The following UNC5C variants were observed in gnomAD, a reference collection of about 807,000 sequenced individuals.
UNC5C encodes unc-5 netrin receptor C, also known as netrin receptor UNC5C.
UNC5C carries 47 observed loss-of-function variants against 99.8 expected under a neutral mutation model. The ratio of observed to expected loss-of-function variants is 0.47; its 90% CI spans 0.37 to 0.60. The LOEUF (loss-of-function observed/expected upper bound fraction) is 0.60. Ranked by LOEUF, UNC5C falls within the 20% of genes least tolerant of loss-of-function variation. The probability of loss-of-function intolerance (pLI) is 0.00; values close to 1 mark genes in which losing one functional copy is unlikely to be tolerated. For synonymous variants in UNC5C, 487 were observed against 452.2 expected, an observed-to-expected ratio of 1.08 and a Z score of -0.98; for missense variants, 1,062 against 1,165.9, an observed-to-expected ratio of 0.91 and a Z score of 1.30.
intron 1 of UNC5C, among the ~76,000 whole-genome samples, chr4:95,426,247 G>A (rs1746481501): frequency 6.6e-6 from 1 of 152,106 alleles, no homozygotes; most frequent in South Asian, 2.1e-4. Flanking sequence ...TGATCTTTGA[G>A]GTTACTATTG....
chr4:95,377,863 T>C (rs1262085165), intron 1 of UNC5C, among the ~76,000 whole-genome samples: 1 of 152,196 alleles, frequency 6.6e-6, no homozygotes, highest in Non-Finnish European at 1.5e-5. Context: ...AGTTAGACAA[T>C]ATGTATAAGC....
At chr4:95,329,474 T>C (rs1743028710) in intron 2 of UNC5C, among the ~76,000 whole-genome samples, 1 of 152,192 alleles carries the variant, frequency 6.6e-6, no homozygotes. Context: ...TATTTTCAAA[T>C]GGGCCTTCAA....
intron 2 of UNC5C, among the ~76,000 whole-genome samples, chr4:95,333,873 T>C (rs935958500): frequency 2.9e-4 from 44 of 152,128 alleles, no homozygotes; most frequent in African/African-American, 1.0e-3. Context: ...GTTTGAAATC[T>C]ATACAAATAC....
chr4:95,284,291 C>T (rs749959597), intron 3 of UNC5C, among the ~76,000 whole-genome samples: 16 of 151,978 alleles, frequency 1.1e-4, no homozygotes, highest in Non-Finnish European at 2.4e-4. Flanking sequence ...TCCATATTTA[C>T]GAAATGAAAA....
intron 12 of UNC5C, among the ~76,000 whole-genome samples, chr4:95,190,162 A>C (rs1341136501): frequency 6.6e-6 from 1 of 152,224 alleles, no homozygotes; most frequent in East Asian, 1.9e-4. Context: ...ATGCAGCCAT[A>C]AAAAATGATG....
intron 1 of UNC5C, among the ~76,000 whole-genome samples, chr4:95,349,578 A>G (rs1414827738): frequency 6.6e-6 from 1 of 151,338 alleles, no homozygotes; most frequent in African/African-American, 2.4e-5. Flanking sequence ...TTGAGCTTTT[A>G]TTCAAATCAA....
intron 1 of UNC5C, among the ~76,000 whole-genome samples, chr4:95,517,947 A>G (rs1483106989): frequency 6.6e-6 from 1 of 152,176 alleles, no homozygotes; most frequent in African/African-American, 2.4e-5. Context: ...TCACATTTAT[A>G]AACTCTGCAA....
At chr4:95,527,997 C>T (rs1269554402) in intron 1 of UNC5C, among the ~76,000 whole-genome samples, 2 of 152,036 alleles carry the variant, frequency 1.3e-5, no homozygotes, top group Non-Finnish European at 2.9e-5. Context: ...CTTAGTTTTT[C>T]CAAATGACAA....
intron 1 of UNC5C, among the ~76,000 whole-genome samples, chr4:95,423,051 A>G (rs1746365406): frequency 6.6e-6 from 1 of 152,232 alleles, no homozygotes; most frequent in Non-Finnish European, 1.5e-5. Flanking sequence ...TCTCTGCTCA[A>G]CAATGAGACG....
chr4:95,448,796 C>A (rs191355697), intron 1 of UNC5C, among the ~76,000 whole-genome samples: 2 of 152,268 alleles, frequency 1.3e-5, no homozygotes. Flanking sequence ...CACTCTCTTT[C>A]GAGATAAACA....
At chr4:95,177,585 G>A (rs1736419840) in intron 14 of UNC5C, among the ~76,000 whole-genome samples, 1 of 152,220 alleles carries the variant, frequency 6.6e-6, no homozygotes, top group Non-Finnish European at 1.5e-5. Context: ...ATGGAACAGG[G>A]TCAATCCAGG....
chr4:95,448,119 A>G (rs538438331), intron 1 of UNC5C, among the ~76,000 whole-genome samples: 7 of 151,956 alleles, frequency 4.6e-5, no homozygotes, highest in Non-Finnish European at 8.8e-5. Context: ...TCTCACCCTG[A>G]TATGTCAGGG....
At chr4:95,405,393 A>T (rs1205854849) in intron 1 of UNC5C, among the ~76,000 whole-genome samples, 1 of 152,118 alleles carries the variant, frequency 6.6e-6, no homozygotes, top group African/African-American at 2.4e-5. Context: ...CTGTGAGGGG[A>T]ATCAAAGAGC....
chr4:95,232,528 A>AC (rs765844649), intron 7 of UNC5C, among the ~76,000 whole-genome samples: 28 of 152,084 alleles, frequency 1.8e-4, no homozygotes, highest in Non-Finnish European at 3.1e-4. Flanking sequence ...CTGGACCTGC[A>AC]CCCCCGTGAT....
chr4:95,177,245 A>G (rs1028825628), intron 14 of UNC5C, among the ~76,000 whole-genome samples: 9 of 152,168 alleles, frequency 5.9e-5, no homozygotes, highest in African/African-American at 2.2e-4. Context: ...AGCTGTTCCT[A>G]TTCGGCTGTC....
rs58156541 is a variant in UNC5C at position 95,545,552 on chromosome 4, T to TAA, written c.124+3180_124+3181dup. Among the ~76,000 whole-genome samples, 712 of 147,772 alleles carry TAA rather than the reference T, an allele frequency of 4.8e-3. 7 individuals carry two copies. The highest frequency in any genetic ancestry group is 0.017 in the African/African-American group (676 of 40,524). ...CTTTTGTAGGAAGACATATGTTATT[T>TAA]AAAAAAAAAAACTATGAATTAAGAT... On this transcript the variant is annotated intron_variant, in intron 1 of 15. Transcript: ENST00000453304.
chr4:95,270,258 T>C lies in UNC5C; in HGVS notation c.594+8001A>G, dbSNP rs1740609731. Among the ~76,000 whole-genome samples the C allele has an allele frequency of 2.6e-5, 4 of 152,212 alleles. No homozygotes were observed. In the South Asian group the frequency reaches 8.3e-4, roughly 32 times the overall value. ...AACCAGAGGCTACTTTGTAGATTTT[T>C]GCTTCTCAGTTTTGGAAAAAAACAA... is the stretch of plus-strand genomic sequence containing the variant. On this transcript the variant is annotated intron_variant, in intron 4 of 15. Transcript: ENST00000453304.
At chr4:95,264,327 G>T (rs2149387957) in intron 4 of UNC5C, among the ~76,000 whole-genome samples, 1 of 152,154 alleles carries the variant, frequency 6.6e-6, no homozygotes, top group East Asian at 1.9e-4. Flanking sequence ...TTGAAATCTT[G>T]CACTCAGAAA....
intron 1 of UNC5C, among the ~76,000 whole-genome samples, chr4:95,497,896 T>C (rs1362240349): frequency 6.6e-6 from 1 of 151,970 alleles, no homozygotes; most frequent in Non-Finnish European, 1.5e-5. Context: ...CATATAATCC[T>C]ACATAATTCT....
Sources: allele counts gnomAD v4.1 joint callset (sites outside exome capture counted in the v4.1 genomes callset), GRCh38; gene constraint gnomAD v4.1.1; transcripts MANE v1.5; gene names NCBI Gene and HGNC (gene_info 2026-07-23, HGNC 2026-07-21).